ABCG5: variants seen among roughly 807,000 people sequenced by gnomAD.
The protein encoded by ABCG5 is ATP binding cassette subfamily G member 5.
Under a neutral mutation model 64.5 loss-of-function variants are expected in ABCG5, and 64 were observed. That is an observed-to-expected ratio of 0.99 (90% CI 0.81 to 1.22). ABCG5 has a LOEUF of 1.22. ABCG5 is among the 50% of genes most tolerant of loss of function. ABCG5 has a pLI of 0.00. For synonymous variants in ABCG5, 385 were observed against 326.3 expected, an observed-to-expected ratio of 1.18 and a Z score of -1.94; for missense variants, 908 against 829.5, an observed-to-expected ratio of 1.09 and a Z score of -1.16.
chr2:43,810,323 AT>A, downstream of ABCG5: 1 of 980,774 alleles, frequency 1.0e-6, no homozygotes, highest in Non-Finnish European at 1.2e-6. Flanking sequence ...ATCAGCACCA[AT>A]TTCACCCTGC....
chr2:43,831,317 C>T (rs1490150713), intron 4 of ABCG5, among the ~76,000 whole-genome samples: 1 of 152,072 alleles, frequency 6.6e-6, no homozygotes, highest in East Asian at 1.9e-4. Context: ...GGAGTGCAGG[C>T]GCACATCACC....
intron 10 of ABCG5, 137 bp downstream of exon 10, chr2:43,822,660 A>C: frequency 6.4e-7 from 1 of 1,550,528 alleles, no homozygotes. Flanking sequence ...AAGATACGAC[A>C]TTGCACTAGA....
At position 43,812,800 on chromosome 2, in the gene ABCG5, G is replaced by T; in HGVS notation, c.*316C>A. On this transcript the variant is annotated 3_prime_UTR_variant, in exon 13 of 13. Transcript: ENST00000405322. ...TTTTTAAGCTGACCTATTTTTTTCT[G>T]TGCCTAGAACAAGGAAAAAAAATAG... is the stretch of plus-strand genomic sequence containing the variant. The T allele has an allele frequency of 6.9e-6, 2 of 288,716 alleles. No individual in the cohort carries two copies. Among genetic ancestry groups the T allele is most frequent in the Non-Finnish European group, 1.3e-5 (2 of 152,714 alleles). 17.9% of individuals were successfully genotyped at this position (288,716 alleles called of 1,614,324 possible).
At chr2:43,820,161 C>G in intron 10 of ABCG5, 61 bp from the exon 11 acceptor site, 3 of 1,543,764 alleles carry the variant, frequency 1.9e-6, no homozygotes, top group South Asian at 1.2e-5. Flanking sequence ...AAAAATACTG[C>G]ACTTGCCTCT....
At chr2:43,815,765 C>A (rs4148191) in intron 11 of ABCG5, among the ~76,000 whole-genome samples, 20,292 of 152,060 alleles carry the variant, frequency 0.13, 1,813 homozygotes, top group African/African-American at 0.23. Context: ...CAATAGCCAG[C>A]AACAGCCATT....
Position 43,822,649 on chromosome 2 carries a change from G to A in ABCG5, c.1463+148C>T. ...TATTTACAATAAAATTAATGTCCTG[G>A]AAGATACGACATTGCACTAGACACT... On this transcript the variant is annotated intron_variant, in intron 10 of 12. Transcript: ENST00000405322. 1.9e-6 allele frequency: 3 copies of A among 1,538,638 alleles called. No homozygotes were observed. The South Asian group carries it at 3.6e-5, about 18-fold the overall frequency.
rs112498998 is a variant in ABCG5 at position 43,829,350 on chromosome 2, A to C, written c.502-1235T>G. The stretch of plus-strand genomic sequence containing the variant: ...CCAGCCTTCAGAAGTAATTAAAAAT[A>C]ATTCCAATCTTTACTTGAATTTCTT... On this transcript the variant is annotated intron_variant, in intron 4 of 12. Coordinates refer to ENST00000405322, the MANE Select transcript of ABCG5 (RefSeq NM_022436.3). 1.7e-3 allele frequency among the ~76,000 whole-genome samples: 265 copies of C among 152,350 alleles called. 1 individual carries two copies. Among genetic ancestry groups the C allele is most frequent in the African/African-American group, 6.2e-3 (258 of 41,564 alleles).
chr2:43,837,781 G>T, intron 2 of ABCG5, 53 bp downstream of exon 2: 1 of 1,610,082 alleles, frequency 6.2e-7, no homozygotes, highest in Non-Finnish European at 8.5e-7. Flanking sequence ...TTTCTTCAAT[G>T]TGGAGTTTAA....
chr2:43,811,775 T>C (rs1037342078), downstream of ABCG5, among the ~76,000 whole-genome samples: 5 of 152,096 alleles, frequency 3.3e-5, no homozygotes, highest in African/African-American at 1.2e-4. Context: ...TTGTATTTTT[T>C]AGTAGAGACG....
At chr2:43,832,991 G>A (rs1417424532) in intron 2 of ABCG5, among the ~76,000 whole-genome samples, 2 of 152,088 alleles carry the variant, frequency 1.3e-5, no homozygotes, top group Non-Finnish European at 2.9e-5. Context: ...CGTATTTTTA[G>A]TAGAGATGAG....
In ABCG5 at chr2:43,838,511, C is replaced by T. The variant is rs1320981667; in HGVS notation, c.143+26G>A. 1 of 1,574,492 alleles carries T rather than the reference C, an allele frequency of 6.4e-7. No individual in the cohort carries two copies. Among genetic ancestry groups the T allele is most frequent in the Admixed American group, 1.8e-5 (1 of 55,072 alleles). On this transcript the variant is annotated intron_variant, in intron 1 of 12. Transcript: ENST00000405322. The surrounding 1 kb of genome is among the most constrained non-coding windows in gnomAD (Gnocchi z 4.2). ...GCCGGGCCCCGCACTCCTGGGGGAG[C>T]AGCAGCAGCAAGGGCTCTGCCTTAC... is the stretch of plus-strand genomic sequence containing the variant.
intron 11 of ABCG5, among the ~76,000 whole-genome samples, chr2:43,818,960 T>C (rs1667020135): frequency 6.6e-6 from 1 of 152,144 alleles, no homozygotes. Flanking sequence ...GGTCAGCCTC[T>C]CTCCACGAAG....
In ABCG5 at chr2:43,831,965, G is replaced by A. The variant is rs1239298744; in HGVS notation, c.384C>T (p.Cys128=). 7 of 1,550,808 alleles carry A rather than the reference G, an allele frequency of 4.5e-6. No homozygotes were observed. The highest frequency in any genetic ancestry group is 6.1e-6 in the Non-Finnish European group (7 of 1,147,206). The part of the protein sequence containing the change: ...RALRREQFQD[C]FSYVLQSDTL... ...CGCCCACCTGCAGGACGTAGGAGAA[G>A]CAGTCCTGGAACTGCTCCCGGCGCA... The change falls in exon 3 of 13, where the codon TGC becomes TGT. Residue 128 remains cysteine (C), a synonymous_variant. Coordinates refer to ENST00000405322, the MANE Select transcript of ABCG5 (RefSeq NM_022436.3).
intron 12 of ABCG5, 117 bp from the exon 13 acceptor site, chr2:43,813,426 A>G (rs538413682): frequency 3.5e-5 from 26 of 741,788 alleles, no homozygotes; most frequent in African/African-American, 8.7e-5. Context: ...CACTTTAGCA[A>G]GCCCAGAGTT....
chr2:43,817,202 C>G (rs1199302099), intron 11 of ABCG5, among the ~76,000 whole-genome samples: 1 of 152,170 alleles, frequency 6.6e-6, no homozygotes, highest in African/African-American at 2.4e-5. Context: ...GAGCAATTAA[C>G]CACCAGGTAT....
In ABCG5 at chr2:43,824,938, A is replaced by G; in HGVS notation, c.855T>C (p.Asn285=). 6.2e-7 allele frequency: 1 copy of G among 1,614,116 alleles called. No individual in the cohort carries two copies. ...GTTCAGGACAAGGGTAACCGCAGTC[A>G]TTGAAGAAATCAAGCATTTCCGCTG... is the stretch of plus-strand genomic sequence containing the variant. ...GTPAEMLDFF[N]DCGYPCPEHS... Residue 285 remains asparagine, a synonymous_variant, in exon 7 of 13, where the codon AAT becomes AAC. Transcript: ENST00000405322.
In ABCG5 at chr2:43,824,204, T is replaced by C; in HGVS notation, c.1118+15A>G. ...GACCTCTAACAGGCATTTCTCACAT[T>C]TGTGAGCCTCTTACCTCAGGAGAAC... On this transcript the variant is annotated intron_variant, in intron 8 of 12. Coordinates refer to ENST00000405322, the MANE Select transcript of ABCG5 (RefSeq NM_022436.3). 1 of 1,614,116 alleles carries C rather than the reference T, an allele frequency of 6.2e-7. No homozygotes were observed. Among genetic ancestry groups the C allele is most frequent in the Non-Finnish European group, 8.5e-7 (1 of 1,179,936 alleles).
At chr2:43,835,597 C>T (rs1420443438) in intron 2 of ABCG5, among the ~76,000 whole-genome samples, 1 of 152,034 alleles carries the variant, frequency 6.6e-6, no homozygotes, top group East Asian at 1.9e-4. Context: ...TTTATGTCTC[C>T]CTAAAATTCA....
intron 4 of ABCG5, chr2:43,828,430 G>T: frequency 2.6e-6 from 1 of 386,768 alleles, no homozygotes; most frequent in Non-Finnish European, 4.8e-6. Flanking sequence ...GAGGCCAGGA[G>T]TTTGAGACCA....
Sources: allele counts gnomAD v4.1 joint callset (sites outside exome capture counted in the v4.1 genomes callset), GRCh38; gene constraint gnomAD v4.1.1; non-coding constraint Gnocchi (gnomAD v3.1); transcripts MANE v1.5; gene names NCBI Gene and HGNC (gene_info 2026-07-23, HGNC 2026-07-21).